Variants in LIMS1 observed in about 807,000 individuals in gnomAD.
The protein encoded by LIMS1 is LIM and senescent cell antigen-like-containing domain protein 1.
A neutral mutation model predicts 44.1 loss-of-function variants in LIMS1; 18 were observed. The ratio of observed to expected loss-of-function variants is 0.41; its 90% CI spans 0.28 to 0.61. The LOEUF (loss-of-function observed/expected upper bound fraction) is 0.61, where lower values mean the gene tolerates loss of function less well. LIMS1 is among the 20% of genes least tolerant of loss of function. The pLI is 0.32. For missense variants in LIMS1, 201 were observed against 422.0 expected (o/e 0.48, Z 4.59); for synonymous variants, 93 against 149.1 (o/e 0.62, Z 2.74).
intron 1 of LIMS1, chr2:108,588,185 T>C (rs182689222): frequency 9.7e-4 from 215 of 221,926 alleles, no homozygotes; most frequent in Middle Eastern, 2.4e-3. Flanking sequence ...ATATGAGTTA[T>C]GACATTTAGG....
intron 1 of LIMS1, among the ~76,000 whole-genome samples, chr2:108,578,323 A>G (rs888614144): frequency 1.3e-5 from 2 of 152,212 alleles, no homozygotes; most frequent in African/African-American, 2.4e-5. Context: ...GCATGTGTAT[A>G]TGTAAAGATG....
intron 1 of LIMS1, among the ~76,000 whole-genome samples, chr2:108,581,021 ATCT>A (rs1273446574): frequency 6.6e-6 from 1 of 152,114 alleles, no homozygotes; most frequent in Admixed American, 6.5e-5. Flanking sequence ...GGCTGCTGAA[ATCT>A]TCTCACCGTA....
chr2:108,674,628 G>A lies in LIMS1; in HGVS notation c.531-1250G>A, dbSNP rs544550304. Among the ~76,000 whole-genome samples, 501 of 146,598 alleles carry A rather than the reference G, an allele frequency of 3.4e-3. 3 individuals carry two copies. The highest frequency in any genetic ancestry group is 6.1e-3 in the Admixed American group (88 of 14,334). ...CCCAGCTACTCGGGAGGCTGAGGCA[G>A]GAGAATGGCATGAACCTGGGAGGTG... is the stretch of plus-strand genomic sequence containing the variant. On this transcript the variant is annotated intron_variant, in intron 5 of 9. Transcript: ENST00000544547.
At chr2:108,588,225 G>A (rs1387343369) in intron 1 of LIMS1, 1 of 440,084 alleles carries the variant, frequency 2.3e-6, no homozygotes, top group Non-Finnish European at 3.0e-6. Flanking sequence ...AGAACAGTGG[G>A]GTTATCGTGT....
chr2:108,548,067 GA>G (rs773907707), intron 1 of LIMS1, among the ~76,000 whole-genome samples: 90 of 152,308 alleles, frequency 5.9e-4, no homozygotes, highest in Non-Finnish European at 1.1e-3. Flanking sequence ...CTAGCCCCAT[GA>G]AATCTGGAAA....
chr2:108,538,079 C>T (rs1482269528), intron 1 of LIMS1, among the ~76,000 whole-genome samples: 1 of 152,186 alleles, frequency 6.6e-6, no homozygotes, highest in African/African-American at 2.4e-5. Flanking sequence ...CTCGTAACTA[C>T]ACTTTAAGCT....
chr2:108,632,522 T>TA (rs1191222027), intron 1 of LIMS1, among the ~76,000 whole-genome samples: 2 of 152,164 alleles, frequency 1.3e-5, no homozygotes, highest in Non-Finnish European at 2.9e-5. Context: ...CAAGGGAGGA[T>TA]ATGCCCAGAG....
chr2:108,619,379 TTGTC>T, intron 1 of LIMS1, among the ~76,000 whole-genome samples: 1 of 151,410 alleles, frequency 6.6e-6, no homozygotes. Context: ...TTTTTTTAAC[TTGTC>T]TTGATTTTAA....
At chr2:108,639,730 C>T (rs576552439) in intron 1 of LIMS1, among the ~76,000 whole-genome samples, 8 of 152,182 alleles carry the variant, frequency 5.3e-5, no homozygotes, top group South Asian at 2.1e-4. Flanking sequence ...GGATTACAGA[C>T]GTGAGTCACC....
intron 1 of LIMS1, among the ~76,000 whole-genome samples, chr2:108,590,457 A>G (rs1361153939): frequency 1.3e-5 from 2 of 152,260 alleles, no homozygotes; most frequent in African/African-American, 2.4e-5. Context: ...TAGAATGAAA[A>G]TAGAATAAAA....
At chr2:108,613,883 CCT>C (rs1687792251) in intron 1 of LIMS1, among the ~76,000 whole-genome samples, 1 of 152,014 alleles carries the variant, frequency 6.6e-6, no homozygotes, top group Non-Finnish European at 1.5e-5. Flanking sequence ...CCCCTGCTGT[CCT>C]GCTCCCCTCC....
intron 1 of LIMS1, among the ~76,000 whole-genome samples, chr2:108,612,125 C>G (rs1359907843): frequency 6.7e-6 from 1 of 149,768 alleles, no homozygotes; most frequent in Non-Finnish European, 1.5e-5. Context: ...TTCTTGAGAT[C>G]AGGATTGGAG....
intron 1 of LIMS1, among the ~76,000 whole-genome samples, chr2:108,628,958 A>G (rs1688740927): frequency 1.3e-5 from 2 of 152,144 alleles, no homozygotes; most frequent in African/African-American, 2.4e-5. Flanking sequence ...AAAGCAGAAT[A>G]CTTATTTGAC....
At chr2:108,636,925 TACAGTGGTTGACCTCCTG>T (rs1689297643) in intron 1 of LIMS1, among the ~76,000 whole-genome samples, 2 of 152,280 alleles carry the variant, frequency 1.3e-5, no homozygotes, top group South Asian at 4.1e-4. Context: ...AGCACCAGCT[TACAGTGGTTGACCTCCTG>T]ACCTTATACT....
chr2:108,588,805 G>A (rs1300291383), intron 1 of LIMS1, among the ~76,000 whole-genome samples: 2 of 152,060 alleles, frequency 1.3e-5, no homozygotes, highest in African/African-American at 4.8e-5. Context: ...TTATGATTGT[G>A]GTTCTTATAT....
At chr2:108,624,800 C>T (rs1472590454) in intron 1 of LIMS1, among the ~76,000 whole-genome samples, 2 of 141,406 alleles carry the variant, frequency 1.4e-5, no homozygotes, top group Non-Finnish European at 1.6e-5. Flanking sequence ...GCTGGTAGGC[C>T]GGGTGCGGTG....
Position 108,676,019 on chromosome 2 carries a change from GC to G in LIMS1, c.673del (p.His225MetfsTer47), listed in dbSNP as rs1253355941. On this transcript the variant is annotated frameshift_variant, in exon 6 of 10. Coordinates refer to ENST00000544547, the Ensembl canonical transcript of LIMS1. LOFTEE classifies it high-confidence loss of function. ...TGGTGAACGCTATGGGCAAGCAGTG[GC>G]ATGTGGAGGTGAGTTCTAAATGGCA... The G allele has an allele frequency of 8.7e-5, 141 of 1,613,110 alleles. No individual in the cohort carries two copies. The highest frequency in any genetic ancestry group is 1.2e-4 in the Non-Finnish European group (139 of 1,179,438).
chr2:108,650,898 T>G (rs535917973), intron 1 of LIMS1, among the ~76,000 whole-genome samples: 3 of 152,300 alleles, frequency 2.0e-5, no homozygotes, highest in Middle Eastern at 6.8e-3. Context: ...TTGTAGTATC[T>G]TCTACTGATG....
At chr2:108,678,100 T>C in intron 8 of LIMS1, 73 bp downstream of exon 8, 1 of 1,605,540 alleles carries the variant, frequency 6.2e-7, no homozygotes, top group Non-Finnish European at 8.5e-7. Flanking sequence ...GAAATTCAGG[T>C]TGGTGATTGT....
Sources: allele counts gnomAD v4.1 joint callset (sites outside exome capture counted in the v4.1 genomes callset), GRCh38; gene constraint gnomAD v4.1.1; transcripts MANE v1.5; gene names NCBI Gene and HGNC (gene_info 2026-07-23, HGNC 2026-07-21).